The following TAAR5 variants were observed in gnomAD, a reference collection of about 807,000 sequenced individuals.
The protein encoded by TAAR5 is trace amine associated receptor 5, also known as trace amine-associated receptor 5.
Under a neutral mutation model 21.1 loss-of-function variants are expected in TAAR5, and 27 were observed. The ratio of observed to expected loss-of-function variants is 1.28; its 90% CI spans 0.94 to 1.76. The LOEUF (loss-of-function observed/expected upper bound fraction) is 1.76. Among genes scored for constraint, TAAR5 ranks in the 40% most tolerant of loss-of-function variants. The pLI, the probability that TAAR5 is intolerant of heterozygous loss-of-function variation, is 0.00. For missense variants in TAAR5, 495 were observed against 405.6 expected (o/e 1.22, Z -1.89); for synonymous variants, 203 against 167.5 (o/e 1.21, Z -1.64).
At chr6:132,604,437 C>G in the TAAR5 span, among the ~76,000 whole-genome samples, 1 of 151,972 alleles carries the variant, frequency 6.6e-6, no homozygotes, top group East Asian at 1.9e-4. Flanking sequence ...GTCACTGTGC[C>G]AGGCTGACGT....
At chr6:132,608,127 A>G in the TAAR5 span, 1 of 352,430 alleles carries the variant, frequency 2.8e-6, no homozygotes, top group Non-Finnish European at 5.5e-6. Flanking sequence ...CTTAACGTTG[A>G]TTACTGAAAT....
the TAAR5 span, among the ~76,000 whole-genome samples, chr6:132,615,516 G>C: frequency 6.6e-6 from 1 of 151,280 alleles, no homozygotes; most frequent in Non-Finnish European, 1.5e-5. Context: ...AAAGAACACA[G>C]AATCCAGGGT....
chr6:132,604,018 A>T, the TAAR5 span, among the ~76,000 whole-genome samples: 4 of 152,108 alleles, frequency 2.6e-5, no homozygotes, highest in Non-Finnish European at 5.9e-5. Flanking sequence ...TAAAAGTTAC[A>T]TGTTAAGTGA....
the TAAR5 span, among the ~76,000 whole-genome samples, chr6:132,599,199 T>C: frequency 6.6e-6 from 1 of 152,188 alleles, no homozygotes; most frequent in Admixed American, 6.6e-5. Context: ...TTTCCATTAG[T>C]GTGCCATAAT....
At chr6:132,607,528 A>C in the TAAR5 span, among the ~76,000 whole-genome samples, 1 of 152,130 alleles carries the variant, frequency 6.6e-6, no homozygotes. Flanking sequence ...GCACAAGGAG[A>C]GGCCTTGTGA....
At position 132,588,657 on chromosome 6, in the gene TAAR5, C is replaced by T. The variant is rs1390051644; in HGVS notation, c.*16G>A. The T allele has an allele frequency of 2.5e-6, 4 of 1,596,462 alleles. No homozygotes were observed. The highest frequency in any genetic ancestry group is 3.4e-6 in the Non-Finnish European group (4 of 1,169,952). ...CCTGTGAGGTCCTACTCCTTGCCTG[C>T]ATTTAGTAGAAGGAATCATTCTTGG... is the stretch of plus-strand genomic sequence containing the variant. On this transcript the variant is annotated 3_prime_UTR_variant, in exon 1 of 1. Coordinates refer to ENST00000258034, the MANE Select transcript of TAAR5 (RefSeq NM_003967.3).
At chr6:132,599,747 G>A in the TAAR5 span, among the ~76,000 whole-genome samples, 1 of 152,098 alleles carries the variant, frequency 6.6e-6, no homozygotes, top group Non-Finnish European at 1.5e-5. Flanking sequence ...TTCGTGAATG[G>A]GGATGGCTGG....
chr6:132,602,948 G>C, the TAAR5 span, among the ~76,000 whole-genome samples: 1 of 152,072 alleles, frequency 6.6e-6, no homozygotes, highest in African/African-American at 2.4e-5. Flanking sequence ...CAACCTCATT[G>C]AGATGTTTCA....
chr6:132,598,729 C>CA, the TAAR5 span, among the ~76,000 whole-genome samples: 26 of 152,174 alleles, frequency 1.7e-4, 1 homozygote, highest in Admixed American at 1.4e-3. Flanking sequence ...GTTAAGTCAC[C>CA]AGAGAAATGG....
the TAAR5 span, among the ~76,000 whole-genome samples, chr6:132,599,305 C>G: frequency 6.8e-6 from 1 of 147,052 alleles, no homozygotes; most frequent in Non-Finnish European, 1.5e-5. Flanking sequence ...CTTTGGAGAA[C>G]AGCAAAGCTT....
In TAAR5 at chr6:132,589,365, G is replaced by T. The variant is rs557518982; in HGVS notation, c.322C>A (p.Arg108Ser). 2.5e-6 allele frequency: 4 copies of T among 1,613,924 alleles called. No homozygotes were observed. Among genetic ancestry groups the T allele is most frequent in the Non-Finnish European group, 3.4e-6 (4 of 1,179,990 alleles). ...SCWFFGDFLC[R>S]LHTYLDTLFC... Reference sequence around the variant, plus strand: ...AGGGTGTCCAGGTAGGTGTGCAGGCGGCAGAGGAAGTCCCCGAAGAACCAG... The same window carrying T: ...AGGGTGTCCAGGTAGGTGTGCAGGCTGCAGAGGAAGTCCCCGAAGAACCAG... The change falls in exon 1 of 1, where the codon CGC (arginine) becomes AGC (serine). Residue 108 changes from arginine (R) to serine (S), a missense_variant. Physicochemically the swap from Arg to Ser is moderately radical, Grantham distance 110. Coordinates refer to ENST00000258034, the MANE Select transcript of TAAR5 (RefSeq NM_003967.3).
At chr6:132,607,666 G>A in the TAAR5 span, among the ~76,000 whole-genome samples, 1 of 152,174 alleles carries the variant, frequency 6.6e-6, no homozygotes, top group Non-Finnish European at 1.5e-5. Flanking sequence ...TGCATATGGT[G>A]ATTCATAATC....
the TAAR5 span, among the ~76,000 whole-genome samples, chr6:132,610,930 T>C: frequency 6.6e-6 from 1 of 152,146 alleles, no homozygotes; most frequent in African/African-American, 2.4e-5. Context: ...TTGGTTCATA[T>C]TAGATCATCT....
At chr6:132,600,657 G>T in the TAAR5 span, among the ~76,000 whole-genome samples, 1 of 151,676 alleles carries the variant, frequency 6.6e-6, no homozygotes, top group African/African-American at 2.4e-5. Context: ...TGAGATTACC[G>T]TACCAGTAAA....
chr6:132,599,835 T>C, the TAAR5 span, among the ~76,000 whole-genome samples: 2 of 152,224 alleles, frequency 1.3e-5, no homozygotes, highest in Admixed American at 1.3e-4. Context: ...TACTTAATAG[T>C]ATATTTTTAT....
At chr6:132,592,446 G>A (rs1407749340), upstream of TAAR5, among the ~76,000 whole-genome samples, 1 of 152,202 alleles carries the variant, frequency 6.6e-6, no homozygotes, top group Non-Finnish European at 1.5e-5. Flanking sequence ...GCCTTTGAGA[G>A]CACATAGGAC....
At chr6:132,611,592 A>T in the TAAR5 span, among the ~76,000 whole-genome samples, 1 of 152,314 alleles carries the variant, frequency 6.6e-6, no homozygotes, top group Admixed American at 6.5e-5. Context: ...AATTTTAAAA[A>T]TTTTTAAAGG....
chr6:132,604,146 C>CTTTTTTTTTTT, the TAAR5 span, among the ~76,000 whole-genome samples: 1 of 126,006 alleles, frequency 7.9e-6, no homozygotes, highest in Non-Finnish European at 1.7e-5. Flanking sequence ...TTTTTCTTTT[C>CTTTTTTTTTTT]TTTTTTTTTT....
chr6:132,608,848 G>A, the TAAR5 span: 3 of 455,934 alleles, frequency 6.6e-6, no homozygotes, highest in African/African-American at 2.0e-5. Flanking sequence ...GGTGGAGTTC[G>A]TCATTTTGGT....
Sources: allele counts gnomAD v4.1 joint callset (sites outside exome capture counted in the v4.1 genomes callset), GRCh38; gene constraint gnomAD v4.1.1; transcripts MANE v1.5; gene names NCBI Gene and HGNC (gene_info 2026-07-23, HGNC 2026-07-21).